Variants in PCDH9 observed in about 807,000 individuals in gnomAD.
PCDH9 encodes protocadherin 9, also known as protocadherin-9.
A neutral mutation model predicts 70.6 loss-of-function variants in PCDH9; 24 were observed. The observed-to-expected ratio is 0.34, with a 90% CI of 0.25 to 0.48. The LOEUF is 0.48. PCDH9 is among the 20% of genes least tolerant of loss of function. The pLI is 0.99. For missense variants in PCDH9, 1,281 were observed against 1,503.6 expected (o/e 0.85, Z 2.45); for synonymous variants, 562 against 558.5 (o/e 1.01, Z -0.09).
At chr13:67,194,037 A>T (rs982302286) in intron 2 of PCDH9, among the ~76,000 whole-genome samples, 22 of 152,290 alleles carry the variant, frequency 1.4e-4, no homozygotes, top group African/African-American at 3.4e-4. Context: ...GAGGAATTTT[A>T]AAAAAGCTGA....
At chr13:66,519,428 G>T (rs997656066) in intron 4 of PCDH9, among the ~76,000 whole-genome samples, 2 of 152,068 alleles carry the variant, frequency 1.3e-5, no homozygotes, top group Non-Finnish European at 2.9e-5. Context: ...ACCATCAACG[G>T]AAGAGGCAGA....
chr13:67,177,038 T>C (rs559644443), intron 2 of PCDH9, among the ~76,000 whole-genome samples: 2 of 152,192 alleles, frequency 1.3e-5, no homozygotes, highest in Non-Finnish European at 2.9e-5. Flanking sequence ...TTGTCTGTTA[T>C]GAAAATTAAA....
intron 3 of PCDH9, 78 bp from the exon 4 acceptor site, chr13:66,631,489 C>A: frequency 2.5e-6 from 2 of 791,440 alleles, no homozygotes; most frequent in Admixed American, 2.1e-5. Flanking sequence ...AAAATCAAAA[C>A]ACTTTCAACA....
chr13:66,581,433 T>C (rs1182513013), intron 4 of PCDH9, among the ~76,000 whole-genome samples: 9 of 152,086 alleles, frequency 5.9e-5, no homozygotes, highest in Non-Finnish European at 1.0e-4. Flanking sequence ...CTGTTGTGCG[T>C]TTTTTGTCTC....
At chr13:66,934,500 C>A (rs2082872284) in intron 2 of PCDH9, among the ~76,000 whole-genome samples, 1 of 137,316 alleles carries the variant, frequency 7.3e-6, no homozygotes, top group Non-Finnish European at 1.5e-5. Context: ...AAGATCACAC[C>A]ATTGCACTCC....
chr13:66,747,071 G>T (rs2079378483), intron 3 of PCDH9, among the ~76,000 whole-genome samples: 1 of 152,198 alleles, frequency 6.6e-6, no homozygotes, highest in Admixed American at 6.5e-5. Flanking sequence ...ACATGACCTG[G>T]CTGGGCGTGG....
chr13:66,346,498 G>A (rs1475627894), intron 4 of PCDH9, among the ~76,000 whole-genome samples: 1 of 152,162 alleles, frequency 6.6e-6, no homozygotes, highest in Non-Finnish European at 1.5e-5. Context: ...TGAAAGCAAG[G>A]TGCAGAGGCT....
chr13:66,577,205 G>C, intron 4 of PCDH9, among the ~76,000 whole-genome samples: 1 of 151,786 alleles, frequency 6.6e-6, no homozygotes, highest in East Asian at 1.9e-4. Context: ...ATTAAAATTA[G>C]AAATATTACC....
chr13:67,179,739 T>C (rs2088565816), intron 2 of PCDH9, among the ~76,000 whole-genome samples: 2 of 152,070 alleles, frequency 1.3e-5, no homozygotes, highest in Admixed American at 6.6e-5. Flanking sequence ...GGGTTGTTAT[T>C]TTGGAGAGAA....
At chr13:67,053,027 G>A (rs1019223643) in intron 2 of PCDH9, among the ~76,000 whole-genome samples, 13 of 152,066 alleles carry the variant, frequency 8.5e-5, no homozygotes, top group African/African-American at 3.1e-4. Context: ...GAGACAGGGT[G>A]GAGAGGTTTT....
intron 3 of PCDH9, among the ~76,000 whole-genome samples, chr13:66,844,419 T>G (rs1418562409): frequency 6.6e-6 from 1 of 152,028 alleles, no homozygotes; most frequent in East Asian, 1.9e-4. Flanking sequence ...ATCCTGTCTC[T>G]ACTAAAAACA....
At chr13:67,029,107 G>A (rs1468115153) in intron 2 of PCDH9, among the ~76,000 whole-genome samples, 5 of 152,038 alleles carry the variant, frequency 3.3e-5, no homozygotes, top group African/African-American at 1.2e-4. Context: ...TGTTTTCAAG[G>A]AACTCATAAG....
intron 3 of PCDH9, among the ~76,000 whole-genome samples, chr13:66,776,166 A>C (rs1251586631): frequency 6.6e-6 from 1 of 151,940 alleles, no homozygotes; most frequent in Non-Finnish European, 1.5e-5. Flanking sequence ...ACCCACAGCC[A>C]ATATCATACT....
At chr13:66,642,898 T>TA (rs1272611727) in intron 3 of PCDH9, among the ~76,000 whole-genome samples, 1 of 151,972 alleles carries the variant, frequency 6.6e-6, no homozygotes, top group Non-Finnish European at 1.5e-5. Flanking sequence ...TTCTGTTCTT[T>TA]AAATAAAGAT....
At chr13:67,183,100 T>C (rs1296635973) in intron 2 of PCDH9, among the ~76,000 whole-genome samples, 2 of 152,140 alleles carry the variant, frequency 1.3e-5, no homozygotes, top group Middle Eastern at 3.2e-3. Context: ...AAAATAATCA[T>C]AATAATTACT....
At chr13:67,084,925 C>T (rs1034446425) in intron 2 of PCDH9, among the ~76,000 whole-genome samples, 3 of 128,552 alleles carry the variant, frequency 2.3e-5, no homozygotes, top group African/African-American at 9.0e-5. Context: ...CGAGATCACA[C>T]CACTGCACTC....
intron 2 of PCDH9, among the ~76,000 whole-genome samples, chr13:67,073,565 T>C (rs1594473305): frequency 6.6e-6 from 1 of 152,084 alleles, no homozygotes; most frequent in Non-Finnish European, 1.5e-5. Flanking sequence ...CTTTAACCAA[T>C]CTCTTATATA....
intron 3 of PCDH9, among the ~76,000 whole-genome samples, chr13:66,633,545 C>T (rs565597724): frequency 8.1e-4 from 124 of 152,218 alleles, no homozygotes; most frequent in Non-Finnish European, 1.6e-3. Context: ...AACCACAGTG[C>T]TTATTATGGA....
At chr13:67,223,708 A>C (rs2089783973) in intron 2 of PCDH9, 2 of 152,098 alleles carry the variant, frequency 1.3e-5, no homozygotes, top group African/African-American at 4.8e-5. Context: ...AACAAAGTTA[A>C]CACAAAAATT....
Sources: allele counts gnomAD v4.1 joint callset (sites outside exome capture counted in the v4.1 genomes callset), GRCh38; gene constraint gnomAD v4.1.1; transcripts MANE v1.5; gene names NCBI Gene and HGNC (gene_info 2026-07-23, HGNC 2026-07-21).